ROBO2: variants seen among roughly 807,000 people sequenced by gnomAD.
ROBO2 encodes the protein roundabout homolog 2.
Under a neutral mutation model 160.8 loss-of-function variants are expected in ROBO2, and 53 were observed. The ratio of observed to expected loss-of-function variants is 0.33; its 90% CI spans 0.26 to 0.41. The LOEUF is 0.41. Ranked by LOEUF, ROBO2 falls within the 10% of genes least tolerant of loss-of-function variation. The pLI, the probability that ROBO2 is intolerant of heterozygous loss-of-function variation, is 1.00. For synonymous variants in ROBO2, 664 were observed against 611.7 expected, an observed-to-expected ratio of 1.09 and a Z score of -1.26; for missense variants, 1,577 against 1,722.4, an observed-to-expected ratio of 0.92 and a Z score of 1.49.
intron 6 of ROBO2, 51 bp from the exon 8 acceptor site, chr3:77,546,281 ATATTTT>A: frequency 3.8e-6 from 6 of 1,588,898 alleles, no homozygotes; most frequent in Non-Finnish European, 5.2e-6. Flanking sequence ...TCTCCTTGAC[ATATTTT>A]TATTTGTCTA....
At chr3:76,348,595 C>T (rs1036437944) in intron 2 of ROBO2, among the ~76,000 whole-genome samples, 2 of 152,062 alleles carry the variant, frequency 1.3e-5, no homozygotes, top group African/African-American at 4.8e-5. Flanking sequence ...ATGGCACAAC[C>T]TGTGGGTAGC....
At chr3:76,808,230 T>G (rs1355907945) in intron 2 of ROBO2, among the ~76,000 whole-genome samples, 2 of 152,148 alleles carry the variant, frequency 1.3e-5, no homozygotes, top group Non-Finnish European at 2.9e-5. Flanking sequence ...AACGATGCAC[T>G]GCAAATAACA....
chr3:77,210,249 G>T (rs540397072), intron 2 of ROBO2, among the ~76,000 whole-genome samples: 59 of 151,494 alleles, frequency 3.9e-4, no homozygotes, highest in Non-Finnish European at 7.2e-4. Flanking sequence ...CTAAAAATTT[G>T]CATGCATTTT....
intron 2 of ROBO2, among the ~76,000 whole-genome samples, chr3:76,620,231 A>G (rs1446927398): frequency 6.6e-6 from 1 of 152,108 alleles, no homozygotes; most frequent in Non-Finnish European, 1.5e-5. Flanking sequence ...CTCCATGAGG[A>G]TTTTCTTAAT....
At chr3:76,574,824 A>G (rs1044014625) in intron 2 of ROBO2, among the ~76,000 whole-genome samples, 6 of 152,082 alleles carry the variant, frequency 3.9e-5, no homozygotes, top group African/African-American at 1.4e-4. Flanking sequence ...ATGCTGTGTG[A>G]TCTCATAGGC....
chr3:76,003,851 G>A (rs1157062340), intron 2 of ROBO2, among the ~76,000 whole-genome samples: 1 of 152,170 alleles, frequency 6.6e-6, no homozygotes, highest in Admixed American at 6.5e-5. Context: ...AACACCATTA[G>A]TCGTTAGGAA....
At chr3:77,081,098 T>TAAAC (rs1307316745) in intron 1 of ROBO2, among the ~76,000 whole-genome samples, 1 of 152,184 alleles carries the variant, frequency 6.6e-6, no homozygotes, top group African/African-American at 2.4e-5. Flanking sequence ...GGCTAGTTTA[T>TAAAC]TAGATTATGG....
intron 2 of ROBO2, among the ~76,000 whole-genome samples, chr3:76,050,767 C>T (rs1277416129): frequency 6.6e-6 from 1 of 152,170 alleles, no homozygotes; most frequent in Non-Finnish European, 1.5e-5. Context: ...TTCTTCCCTC[C>T]TACAGCTGAT....
At chr3:76,399,229 A>C (rs1223594207) in intron 2 of ROBO2, among the ~76,000 whole-genome samples, 1 of 151,754 alleles carries the variant, frequency 6.6e-6, no homozygotes, top group Non-Finnish European at 1.5e-5. Flanking sequence ...TTGGGTAGTA[A>C]ATAAGATAAG....
chr3:76,950,260 A>G (rs139908765), intron 2 of ROBO2, among the ~76,000 whole-genome samples: 1 of 152,210 alleles, frequency 6.6e-6, no homozygotes, highest in Non-Finnish European at 1.5e-5. Flanking sequence ...TAAAGAAAAT[A>G]GTAATTAGGG....
chr3:76,852,798 T>TG (rs2069548823), intron 2 of ROBO2, among the ~76,000 whole-genome samples: 1 of 152,190 alleles, frequency 6.6e-6, no homozygotes. Flanking sequence ...TCATGCATTC[T>TG]GCCTATTTGC....
chr3:76,360,255 GGC>G (rs1393807282), intron 2 of ROBO2, among the ~76,000 whole-genome samples: 2 of 151,952 alleles, frequency 1.3e-5, no homozygotes, highest in African/African-American at 4.8e-5. Flanking sequence ...TTAATATTCT[GGC>G]CCAAGTAAAG....
At chr3:76,808,935 T>C (rs2064952844) in intron 2 of ROBO2, among the ~76,000 whole-genome samples, 1 of 152,124 alleles carries the variant, frequency 6.6e-6, no homozygotes, top group South Asian at 2.1e-4. Flanking sequence ...GCACTAACCT[T>C]ATCACAAACT....
intron 2 of ROBO2, among the ~76,000 whole-genome samples, chr3:77,121,986 A>G (rs1579160341): frequency 6.6e-6 from 1 of 152,310 alleles, no homozygotes; most frequent in African/African-American, 2.4e-5. Flanking sequence ...CCAAAGCCTA[A>G]CAGCTAGCCA....
intron 1 of ROBO2, among the ~76,000 whole-genome samples, chr3:75,935,061 G>T (rs189402422): frequency 6.6e-6 from 1 of 152,218 alleles, no homozygotes; most frequent in Admixed American, 6.5e-5. Flanking sequence ...AGGCACGGTG[G>T]CTCGTGCCTG....
chr3:76,406,708 A>C (rs1398701248), intron 2 of ROBO2, among the ~76,000 whole-genome samples: 1 of 151,934 alleles, frequency 6.6e-6, no homozygotes, highest in South Asian at 2.1e-4. Context: ...TGTAATGATA[A>C]TCATTGTTTG....
At chr3:76,569,769 C>T (rs1015891446) in intron 2 of ROBO2, among the ~76,000 whole-genome samples, 4 of 152,110 alleles carry the variant, frequency 2.6e-5, no homozygotes, top group African/African-American at 4.8e-5. Flanking sequence ...CCCCATTCTG[C>T]GAACACTTTC....
chr3:77,113,093 A>T (rs1443254061), intron 2 of ROBO2, among the ~76,000 whole-genome samples: 2 of 152,208 alleles, frequency 1.3e-5, no homozygotes, highest in Admixed American at 1.3e-4. Flanking sequence ...CCGTTTGTGC[A>T]TACGTCTTGC....
chr3:76,005,679 A>G (rs1336776832), intron 2 of ROBO2, among the ~76,000 whole-genome samples: 1 of 152,172 alleles, frequency 6.6e-6, no homozygotes, highest in Non-Finnish European at 1.5e-5. Context: ...TCAGGGGCTA[A>G]TAAGTGTTTC....
Sources: allele counts gnomAD v4.1 joint callset (sites outside exome capture counted in the v4.1 genomes callset), GRCh38; gene constraint gnomAD v4.1.1; transcripts MANE v1.5; gene names NCBI Gene and HGNC (gene_info 2026-07-23, HGNC 2026-07-21).